MOB3B: variants seen among roughly 807,000 people sequenced by gnomAD.
MOB3B encodes the protein MOB kinase activator-like 2B.
Under a neutral mutation model 18.7 loss-of-function variants are expected in MOB3B, and 7 were observed. That is an observed-to-expected ratio of 0.37 (90% CI 0.21 to 0.70). The LOEUF (loss-of-function observed/expected upper bound fraction) is 0.70, where lower values mean the gene tolerates loss of function less well. MOB3B is among the 30% of genes least tolerant of loss of function. The pLI is 0.52. For synonymous variants in MOB3B, 111 were observed against 99.9 expected, an observed-to-expected ratio of 1.11 and a Z score of -0.66; for missense variants, 253 against 281.3, an observed-to-expected ratio of 0.90 and a Z score of 0.72.
intron 2 of MOB3B, among the ~76,000 whole-genome samples, chr9:27,435,183 G>T (rs936639285): frequency 2.0e-5 from 3 of 151,144 alleles, no homozygotes; most frequent in Non-Finnish European, 4.4e-5. Context: ...TCTTTTCCTG[G>T]CCATTTTCCC....
intron 3 of MOB3B, among the ~76,000 whole-genome samples, chr9:27,352,586 C>CTG (rs1029909489): frequency 5.3e-5 from 8 of 152,082 alleles, no homozygotes; most frequent in African/African-American, 1.9e-4. Context: ...ACTGCACTTC[C>CTG]TGTGTGTGTG....
At chr9:27,506,619 C>A (rs1303789524) in intron 1 of MOB3B, among the ~76,000 whole-genome samples, 1 of 151,996 alleles carries the variant, frequency 6.6e-6, no homozygotes, top group African/African-American at 2.4e-5. Context: ...GCAACTTCCG[C>A]CTCCTGGATT....
intron 3 of MOB3B, among the ~76,000 whole-genome samples, chr9:27,357,559 T>C (rs956072649): frequency 7.9e-5 from 12 of 151,978 alleles, no homozygotes; most frequent in African/African-American, 1.2e-4. Flanking sequence ...GCTTACCCTG[T>C]CTGGCCCTTT....
intron 1 of MOB3B, among the ~76,000 whole-genome samples, chr9:27,480,697 C>T (rs1819635825): frequency 6.6e-6 from 1 of 152,012 alleles, no homozygotes; most frequent in Non-Finnish European, 1.5e-5. Context: ...TTCCAAAGTG[C>T]TGGGATTACA....
At chr9:27,423,545 T>C (rs1822286980) in intron 2 of MOB3B, among the ~76,000 whole-genome samples, 1 of 152,168 alleles carries the variant, frequency 6.6e-6, no homozygotes, top group South Asian at 2.1e-4. Flanking sequence ...GTGTGGAGCA[T>C]TTAAAGAGGG....
intron 2 of MOB3B, among the ~76,000 whole-genome samples, chr9:27,407,858 T>C (rs1295040681): frequency 6.6e-6 from 1 of 152,188 alleles, no homozygotes; most frequent in Non-Finnish European, 1.5e-5. Flanking sequence ...ATTTCTTTCC[T>C]TCAGTTTTTT....
intron 1 of MOB3B, among the ~76,000 whole-genome samples, chr9:27,523,716 T>A (rs778044609): frequency 1.3e-5 from 2 of 152,156 alleles, no homozygotes; most frequent in African/African-American, 2.4e-5. Flanking sequence ...CTATTCTTCA[T>A]CTTTTTGGAG....
intron 3 of MOB3B, among the ~76,000 whole-genome samples, chr9:27,353,885 G>C (rs965571519): frequency 6.6e-6 from 1 of 152,242 alleles, no homozygotes; most frequent in East Asian, 1.9e-4. Context: ...ACAGCAGCCT[G>C]CTTATTCAAT....
chr9:27,441,338 T>C (rs1822592220), intron 2 of MOB3B, among the ~76,000 whole-genome samples: 1 of 152,194 alleles, frequency 6.6e-6, no homozygotes, highest in African/African-American at 2.4e-5. Flanking sequence ...TTTCCTTAAG[T>C]CCTTATGTTC....
chr9:27,400,255 A>G (rs1033285777), intron 2 of MOB3B, among the ~76,000 whole-genome samples: 1 of 152,226 alleles, frequency 6.6e-6, no homozygotes, highest in African/African-American at 2.4e-5. Context: ...TACAGTAATT[A>G]TTGATTGTAT....
At chr9:27,454,058 G>A (rs1822833856) in intron 2 of MOB3B, among the ~76,000 whole-genome samples, 1 of 152,146 alleles carries the variant, frequency 6.6e-6, no homozygotes, top group Non-Finnish European at 1.5e-5. Context: ...CCAAGATCCT[G>A]ACAAACTGGT....
chr9:27,412,929 G>C (rs1018936489), intron 2 of MOB3B, among the ~76,000 whole-genome samples: 1 of 152,200 alleles, frequency 6.6e-6, no homozygotes, highest in Non-Finnish European at 1.5e-5. Context: ...CATGGACCAC[G>C]CTGAGGGACC....
intron 1 of MOB3B, among the ~76,000 whole-genome samples, chr9:27,473,962 A>G (rs1215967881): frequency 1.3e-5 from 2 of 152,042 alleles, no homozygotes; most frequent in African/African-American, 4.8e-5. Flanking sequence ...TATAAAAGGG[A>G]CCCCAGAAAG....
chr9:27,507,840 A>G (rs1365384314), intron 1 of MOB3B, among the ~76,000 whole-genome samples: 1 of 152,238 alleles, frequency 6.6e-6, no homozygotes, highest in Non-Finnish European at 1.5e-5. Context: ...TTTAAAAACG[A>G]TGATCTCCTT....
At chr9:27,427,741 C>T (rs990913315) in intron 2 of MOB3B, among the ~76,000 whole-genome samples, 1 of 152,056 alleles carries the variant, frequency 6.6e-6, no homozygotes, top group Non-Finnish European at 1.5e-5. Context: ...GAAATGAATG[C>T]CTTTGGAATT....
chr9:27,364,902 A>G (rs941663101), intron 2 of MOB3B, among the ~76,000 whole-genome samples: 3 of 152,228 alleles, frequency 2.0e-5, no homozygotes, highest in African/African-American at 7.2e-5. Context: ...CTGGACTTGC[A>G]AAAAACTTAC....
intron 2 of MOB3B, among the ~76,000 whole-genome samples, chr9:27,420,278 C>A (rs1314045527): frequency 6.6e-6 from 1 of 151,812 alleles, no homozygotes; most frequent in Non-Finnish European, 1.5e-5. Flanking sequence ...GTAGAACTAC[C>A]ATTTGATCCA....
At chr9:27,524,559 T>G in intron 1 of MOB3B, 1 of 1,614,094 alleles carries the variant, frequency 6.2e-7, no homozygotes, top group Non-Finnish European at 8.5e-7. Flanking sequence ...GTTTCTGCAA[T>G]ACACCCAACC....
At chr9:27,501,353 A>G (rs188502536) in intron 1 of MOB3B, among the ~76,000 whole-genome samples, 1 of 152,272 alleles carries the variant, frequency 6.6e-6, no homozygotes, top group East Asian at 1.9e-4. Context: ...AACCAACTCA[A>G]ATGCCCATCA....
Sources: allele counts gnomAD v4.1 joint callset (sites outside exome capture counted in the v4.1 genomes callset), GRCh38; gene constraint gnomAD v4.1.1; transcripts MANE v1.5; gene names NCBI Gene and HGNC (gene_info 2026-07-23, HGNC 2026-07-21).